The following NAALADL2 variants were observed in gnomAD, a reference collection of about 807,000 sequenced individuals.
NAALADL2 encodes N-acetylated alpha-linked acidic dipeptidase like 2.
A neutral mutation model predicts 87.2 loss-of-function variants in NAALADL2; 76 were observed. The observed-to-expected ratio is 0.87, with a 90% confidence interval of 0.72 to 1.05. The LOEUF (loss-of-function observed/expected upper bound fraction) is 1.05. NAALADL2 is among the 50% of genes least tolerant of loss of function. The pLI, the probability that NAALADL2 is intolerant of heterozygous loss-of-function variation, is 0.00. For synonymous variants in NAALADL2, 354 were observed against 331.0 expected (o/e 1.07, Z -0.75); for missense variants, 1,089 against 945.8 (o/e 1.15, Z -1.99).
At chr3:175,431,603 T>C (rs539947925) in intron 5 of NAALADL2, among the ~76,000 whole-genome samples, 136 of 152,066 alleles carry the variant, frequency 8.9e-4, no homozygotes, top group African/African-American at 3.2e-3. Flanking sequence ...TTGCAAAGCG[T>C]TCCAAAAACA....
chr3:175,055,450 T>A (rs1338107489), intron 1 of NAALADL2, among the ~76,000 whole-genome samples: 1 of 152,156 alleles, frequency 6.6e-6, no homozygotes, highest in Non-Finnish European at 1.5e-5. Context: ...TTGCAGGGGT[T>A]CCCCAGGCAG....
intron 3 of NAALADL2, among the ~76,000 whole-genome samples, chr3:175,248,133 T>C (rs1560227768): frequency 6.6e-6 from 1 of 152,198 alleles, no homozygotes; most frequent in Non-Finnish European, 1.5e-5. Context: ...TGAAAAATTA[T>C]ATGGGGAAAA....
intron 3 of NAALADL2, among the ~76,000 whole-genome samples, chr3:174,835,063 A>G (rs1428733427): frequency 6.6e-6 from 1 of 152,040 alleles, no homozygotes; most frequent in Non-Finnish European, 1.5e-5. Context: ...ATAGAATTAG[A>G]ATAATCAAAA....
At chr3:174,782,934 C>G (rs1183797409) in intron 3 of NAALADL2, among the ~76,000 whole-genome samples, 1 of 152,076 alleles carries the variant, frequency 6.6e-6, no homozygotes, top group East Asian at 1.9e-4. Flanking sequence ...GAGACACAGC[C>G]AAACCATATC....
chr3:175,553,887 T>C (rs1045420664), intron 9 of NAALADL2, among the ~76,000 whole-genome samples: 38 of 152,106 alleles, frequency 2.5e-4, no homozygotes, highest in Non-Finnish European at 2.1e-4. Flanking sequence ...TATTACAAGA[T>C]AGGGGCTTTT....
rs570430583 is a variant in NAALADL2, at chr3:175,323,697, T to G, written c.940-478T>G. 3.3e-5 allele frequency among the ~76,000 whole-genome samples: 5 copies of G among 150,048 alleles called. No individual in the cohort carries two copies. In the South Asian group the frequency reaches 8.4e-4, roughly 25 times the overall value. ...GGCCAGTAGAAAAAGCTTCTGGGCT[T>G]GATAGAAATCTAAAATCTCTGCTTA... On this transcript the variant is annotated intron_variant, in intron 4 of 13. Transcript: ENST00000454872.
intron 5 of NAALADL2, among the ~76,000 whole-genome samples, chr3:175,418,360 C>T (rs1410595120): frequency 1.3e-5 from 2 of 152,042 alleles, no homozygotes; most frequent in African/African-American, 4.8e-5. Context: ...AGAAGTTTTC[C>T]ACTTTTGTAA....
chr3:175,412,434 A>G lies in NAALADL2; in HGVS notation c.1091-34795A>G, dbSNP rs992850530. ...TGTTATATGATGCAGGAGGGAAAAAATTAGTATTCGGATAGCTATTTGCTA... is the reference window on the plus strand; with the variant it reads ...TGTTATATGATGCAGGAGGGAAAAAGTTAGTATTCGGATAGCTATTTGCTA... On this transcript the variant is annotated intron_variant, in intron 5 of 13. Transcript: ENST00000454872. Among the ~76,000 whole-genome samples the G allele has an allele frequency of 3.3e-5, 5 of 152,340 alleles. No homozygotes were observed. The South Asian group carries it at 1.0e-3, about 32-fold the overall frequency.
intron 3 of NAALADL2, among the ~76,000 whole-genome samples, chr3:175,255,954 T>C (rs1749864417): frequency 6.6e-6 from 1 of 152,200 alleles, no homozygotes; most frequent in African/African-American, 2.4e-5. Flanking sequence ...TGAGCAGCTG[T>C]TCAGGATGAC....
intron 13 of NAALADL2, among the ~76,000 whole-genome samples, chr3:175,767,122 G>T (rs541934170): frequency 1.1e-4 from 17 of 152,164 alleles, no homozygotes; most frequent in Admixed American, 9.2e-4. Flanking sequence ...CACCTCGGAG[G>T]AGTACATGAT....
At chr3:174,862,446 A>C (rs16865227) in intron 1 of NAALADL2, among the ~76,000 whole-genome samples, 2,274 of 152,070 alleles carry the variant, frequency 0.015, 61 homozygotes, top group African/African-American at 0.052. Context: ...TCTGCCTCGA[A>C]GGATGTCCAT....
chr3:175,562,953 G>A (rs1373596842), intron 9 of NAALADL2, among the ~76,000 whole-genome samples: 1 of 149,832 alleles, frequency 6.7e-6, no homozygotes, highest in African/African-American at 2.4e-5. Flanking sequence ...ATATAGGAGG[G>A]GTGTGTGTGT....
intron 1 of NAALADL2, among the ~76,000 whole-genome samples, chr3:175,021,100 G>T (rs1050572400): frequency 6.6e-6 from 1 of 152,116 alleles, no homozygotes; most frequent in South Asian, 2.1e-4. Context: ...TGGGAGGATG[G>T]TATGTCAGAA....
At chr3:175,131,532 A>T (rs1317057171) in intron 2 of NAALADL2, among the ~76,000 whole-genome samples, 1 of 152,130 alleles carries the variant, frequency 6.6e-6, no homozygotes, top group Admixed American at 6.5e-5. Context: ...AAAGTCTCCC[A>T]TGTCTACCTC....
intron 5 of NAALADL2, among the ~76,000 whole-genome samples, chr3:175,445,950 G>C (rs1270449159): frequency 6.6e-6 from 1 of 152,104 alleles, no homozygotes; most frequent in Non-Finnish European, 1.5e-5. Context: ...TGCTGCCGAG[G>C]GGCCGGCCTA....
At chr3:174,754,640 A>G (rs370006841) in intron 3 of NAALADL2, among the ~76,000 whole-genome samples, 1 of 152,172 alleles carries the variant, frequency 6.6e-6, no homozygotes, top group African/African-American at 2.4e-5. Flanking sequence ...GATCCAGACT[A>G]TGAGCTATTT....
chr3:175,755,309 G>A lies in NAALADL2; in HGVS notation c.2080G>A (p.Ala694Thr), dbSNP rs750679916. 9 of 1,613,642 alleles carry A rather than the reference G, an allele frequency of 5.6e-6. No individual in the cohort carries two copies. The South Asian group carries it at 7.7e-5, about 14-fold the overall frequency. Residue 694 changes from alanine (A) to threonine (T), a missense_variant, in exon 13 of 14, where the codon GCT becomes ACT. Ala to Thr is a moderately conservative substitution (Grantham distance 58). Coordinates refer to ENST00000454872, the MANE Select transcript of NAALADL2 (RefSeq NM_207015.3). ...TTTTCAGTCTGATGAGATGCGACCT[G>A]CTAATGATCCCAAGGAGAGAGCACC... ...ELFQSDEMRP[A>T]NDPKERAPIR...
chr3:175,675,179 A>G (rs1442217217), intron 11 of NAALADL2: 1 of 152,226 alleles, frequency 6.6e-6, no homozygotes. Context: ...TGCATATTTG[A>G]AACCTTAATT....
chr3:175,037,928 G>A (rs1354484111), intron 1 of NAALADL2, among the ~76,000 whole-genome samples: 1 of 152,072 alleles, frequency 6.6e-6, no homozygotes, highest in Non-Finnish European at 1.5e-5. Context: ...TGCCTGGAAG[G>A]GAAAACCAAA....
Sources: allele counts gnomAD v4.1 joint callset (sites outside exome capture counted in the v4.1 genomes callset), GRCh38; gene constraint gnomAD v4.1.1; transcripts MANE v1.5; gene names NCBI Gene and HGNC (gene_info 2026-07-23, HGNC 2026-07-21).